The following VAC14 variants were observed in gnomAD, a reference collection of about 807,000 sequenced individuals.
The protein encoded by VAC14 is VAC14 component of PIKFYVE complex, also known as protein VAC14 homolog.
VAC14 carries 47 observed loss-of-function variants against 85.3 expected under a neutral mutation model. That is an observed-to-expected ratio of 0.55 (90% confidence interval 0.44 to 0.70). The LOEUF is 0.70. Ranked by LOEUF, VAC14 falls within the 30% of genes least tolerant of loss-of-function variation. The pLI is 0.00. For missense variants in VAC14, 861 were observed against 1,004.3 expected (o/e 0.86, Z 1.93); for synonymous variants, 447 against 430.5 (o/e 1.04, Z -0.47).
chr16:70,757,057 T>C (rs935056011), intron 12 of VAC14, among the ~76,000 whole-genome samples: 16 of 152,212 alleles, frequency 1.1e-4, no homozygotes, highest in African/African-American at 3.6e-4. Flanking sequence ...ATTTTTCTGT[T>C]ACTCTGAAGC....
intron 14 of VAC14, among the ~76,000 whole-genome samples, chr16:70,705,080 C>T (rs2053896720): frequency 6.6e-6 from 1 of 152,214 alleles, no homozygotes; most frequent in African/African-American, 2.4e-5. Flanking sequence ...CCTTTGGGGA[C>T]CCTCCTCTGG....
At chr16:70,755,291 A>C (rs1427789125) in intron 12 of VAC14, 1 of 277,576 alleles carries the variant, frequency 3.6e-6, no homozygotes, top group Non-Finnish European at 7.3e-6. Context: ...CCTGGGAAGG[A>C]AGGTGCAGGA....
intron 9 of VAC14, chr16:70,779,114 GC>G (rs1466482555): frequency 6.6e-6 from 1 of 152,258 alleles, no homozygotes; most frequent in Non-Finnish European, 1.5e-5. Context: ...CAATGCTCCA[GC>G]TGAGTGCTGT....
At chr16:70,754,890 A>T (rs2143030616) in intron 12 of VAC14, among the ~76,000 whole-genome samples, 1 of 152,238 alleles carries the variant, frequency 6.6e-6, no homozygotes, top group East Asian at 1.9e-4. Flanking sequence ...GAGGAGGAAA[A>T]ACAAGTACTG....
intron 13 of VAC14, among the ~76,000 whole-genome samples, chr16:70,732,441 C>T (rs1236426533): frequency 6.6e-6 from 1 of 152,108 alleles, no homozygotes; most frequent in East Asian, 1.9e-4. Flanking sequence ...CCCTTGCACA[C>T]ACGCCCCTTG....
At chr16:70,713,011 T>C (rs2142996398) in intron 14 of VAC14, among the ~76,000 whole-genome samples, 1 of 152,284 alleles carries the variant, frequency 6.6e-6, no homozygotes, top group Non-Finnish European at 1.5e-5. Context: ...ATTTTACAAA[T>C]GAGAGGATCA....
intron 14 of VAC14, chr16:70,714,318 GA>G (rs1232208576): frequency 6.6e-6 from 1 of 152,256 alleles, no homozygotes; most frequent in Non-Finnish European, 1.5e-5. Context: ...CAGGGACTGG[GA>G]AATATTCACA....
intron 3 of VAC14, 26 bp downstream of exon 3, chr16:70,785,676 G>C (rs1288171800): frequency 1.9e-6 from 3 of 1,539,332 alleles, no homozygotes; most frequent in East Asian, 4.9e-5. Flanking sequence ...GCGCAGCTCA[G>C]TGAGGAGGAG....
At chr16:70,708,453 G>A (rs1225804975) in intron 14 of VAC14, among the ~76,000 whole-genome samples, 1 of 152,062 alleles carries the variant, frequency 6.6e-6, no homozygotes, top group East Asian at 1.9e-4. Flanking sequence ...GAGTCAGGTG[G>A]GTTCTGAACT....
chr16:70,749,282 A>G (rs2031182516), intron 12 of VAC14, among the ~76,000 whole-genome samples: 1 of 152,200 alleles, frequency 6.6e-6, no homozygotes, highest in African/African-American at 2.4e-5. Flanking sequence ...TGCTTAGCCC[A>G]CCTCAGTACT....
At chr16:70,761,267 T>C in intron 12 of VAC14, 1 of 432,674 alleles carries the variant, frequency 2.3e-6, no homozygotes, top group South Asian at 1.7e-5. Flanking sequence ...TGGTGAGCAA[T>C]AGCCCTCTCC....
chr16:70,720,517 C>T (rs537532542), intron 14 of VAC14, among the ~76,000 whole-genome samples: 5 of 152,274 alleles, frequency 3.3e-5, no homozygotes, highest in East Asian at 1.9e-4. Context: ...GACAGTGTCT[C>T]GGGCACGGTG....
intron 16 of VAC14, among the ~76,000 whole-genome samples, chr16:70,696,279 G>A (rs780623838): frequency 1.2e-4 from 19 of 152,304 alleles, no homozygotes; most frequent in Non-Finnish European, 2.6e-4. Context: ...TTGGGAGGCC[G>A]AGATGGGCAG....
Position 70,689,861 on chromosome 16 carries a change from G to A in VAC14, c.2187-1771C>T, listed in dbSNP as rs1291921027. 1.3e-5 allele frequency: 13 copies of A among 985,444 alleles called. No homozygotes were observed. The East Asian group carries it at 5.7e-4, about 43-fold the overall frequency. 61.0% of individuals were successfully genotyped at this position (985,444 alleles called of 1,614,324 possible). A position where few individuals can be genotyped will look rare whatever the true frequency, so the allele number is the denominator to read the frequency against. ...CAGGTGCCACTGCTCCAAGAGAGCAGCTTGGACTTCTAAGGAGGCCAAGGG... is the reference window on the plus strand; with the variant it reads ...CAGGTGCCACTGCTCCAAGAGAGCAACTTGGACTTCTAAGGAGGCCAAGGG... On this transcript the variant is annotated intron_variant, in intron 18 of 18. Coordinates refer to ENST00000261776, the MANE Select transcript of VAC14 (RefSeq NM_018052.5).
At chr16:70,753,331 C>T (rs2031554993) in intron 12 of VAC14, among the ~76,000 whole-genome samples, 1 of 152,194 alleles carries the variant, frequency 6.6e-6, no homozygotes, top group Admixed American at 6.5e-5. Context: ...CCCAGGCTCA[C>T]CCAAGCTCCT....
chr16:70,690,218 C>T, intron 18 of VAC14: 1 of 985,438 alleles, frequency 1.0e-6, no homozygotes, highest in Non-Finnish European at 1.2e-6. Flanking sequence ...TGGGCAGACC[C>T]TTCCTGGCCT....
At chr16:70,784,982 T>G in intron 3 of VAC14, 144 bp from the exon 4 acceptor site, 1 of 755,264 alleles carries the variant, frequency 1.3e-6, no homozygotes, top group East Asian at 2.5e-5. Flanking sequence ...GGTGAACACA[T>G]TTGAGAAAGG....
intron 14 of VAC14, among the ~76,000 whole-genome samples, chr16:70,718,007 CAG>C (rs1242604229): frequency 1.3e-5 from 2 of 152,216 alleles, no homozygotes. Context: ...TCTCTAGAAA[CAG>C]GAGAAAGTGA....
chr16:70,697,403 G>A, intron 15 of VAC14, 146 bp from the exon 16 acceptor site: 4 of 608,480 alleles, frequency 6.6e-6, no homozygotes, highest in South Asian at 5.9e-5. Context: ...CACCCCGGCT[G>A]GGAACGAGCC....
Sources: gnomAD v4.1 joint callset for allele counts (sites outside exome capture counted in the v4.1 genomes callset) on GRCh38, gnomAD v4.1.1 for gene constraint, MANE v1.5 for transcripts, NCBI Gene and HGNC (gene_info 2026-07-23, HGNC 2026-07-21) for gene names.